ARHGEF11: variants seen among roughly 807,000 people sequenced by gnomAD.
ARHGEF11 encodes Rho guanine nucleotide exchange factor 11.
Under a neutral mutation model 193.7 loss-of-function variants are expected in ARHGEF11, and 55 were observed. That is an observed-to-expected ratio of 0.28 (90% CI 0.23 to 0.36). ARHGEF11 has a LOEUF of 0.36. ARHGEF11 is among the 10% of genes least tolerant of loss of function. The pLI is 1.00. For synonymous variants in ARHGEF11, 693 were observed against 768.0 expected, an observed-to-expected ratio of 0.90 and a Z score of 1.62; for missense variants, 1,723 against 2,005.6, an observed-to-expected ratio of 0.86 and a Z score of 2.69.
rs768274345 is a variant in ARHGEF11 at position 156,947,811 on chromosome 1, C to A, written c.2299G>T (p.Gly767Trp). The A allele has an allele frequency of 2.5e-6, 4 of 1,613,858 alleles. No individual in the cohort carries two copies. The South Asian group carries it at 3.3e-5, about 13-fold the overall frequency. ...QHTVGKDVVA[G>W]LTQREIDRQE... ...CGGTCAATCTCCCGCTGGGTTAGCC[C>A]AGCCACCACATCCTTGCCCACTGTA... The change falls in exon 25 of 41, where the codon GGG becomes TGG. Residue 767 changes from glycine to tryptophan, a missense_variant. Around this residue, in one of 5 missense-constraint regions of ARHGEF11, gnomAD observed 491 missense variants for 654.5 expected, o/e 0.75. Coordinates refer to ENST00000368194, the MANE Select transcript of ARHGEF11 (RefSeq NM_198236.3).
In ARHGEF11 at chr1:156,960,470, A is replaced by G. The variant is rs1660666282; in HGVS notation, c.1240-10T>C. On this transcript the variant is annotated splice_polypyrimidine_tract_variant and intron_variant, in intron 14 of 40. Coordinates refer to ENST00000368194, the MANE Select transcript of ARHGEF11 (RefSeq NM_198236.3). ...TCTTCACTCTCAGAGGCTAAAAAACAGAAGTGTGGAGCAGAAGCAGTCAGG... is the reference window on the plus strand; with the variant it reads ...TCTTCACTCTCAGAGGCTAAAAAACGGAAGTGTGGAGCAGAAGCAGTCAGG... 1.2e-6 allele frequency: 2 copies of G among 1,614,080 alleles called. No individual in the cohort carries two copies. Among genetic ancestry groups the G allele is most frequent in the Non-Finnish European group, 1.7e-6 (2 of 1,179,992 alleles).
At chr1:156,967,839 G>T (rs1661911960) in intron 11 of ARHGEF11, 148 bp downstream of exon 11, 1 of 943,920 alleles carries the variant, frequency 1.1e-6, no homozygotes, top group Non-Finnish European at 1.6e-6. Context: ...TTTACTATTT[G>T]CTCTCTATGT....
At chr1:156,958,964 T>C (rs1660372075) in intron 16 of ARHGEF11, 82 bp downstream of exon 16, 3 of 1,608,804 alleles carry the variant, frequency 1.9e-6, no homozygotes, top group Non-Finnish European at 2.6e-6. Context: ...AAGAGATATG[T>C]GCACGTCCCA....
chr1:156,979,521 C>T (rs181273937), intron 4 of ARHGEF11, among the ~76,000 whole-genome samples: 36 of 152,184 alleles, frequency 2.4e-4, no homozygotes, highest in African/African-American at 7.7e-4. Context: ...CCAGCCACCA[C>T]GCCCAGCTAA....
intron 31 of ARHGEF11, 122 bp downstream of exon 31, chr1:156,944,232 ATTAT>A: frequency 7.0e-7 from 1 of 1,427,626 alleles, no homozygotes; most frequent in Non-Finnish European, 9.7e-7. Context: ...TCTCTCTCTG[ATTAT>A]TCCCTTCCCA....
At chr1:156,944,671 T>C (rs543272301) in intron 30 of ARHGEF11, among the ~76,000 whole-genome samples, 2 of 152,330 alleles carry the variant, frequency 1.3e-5, no homozygotes, top group East Asian at 3.9e-4. Context: ...CACCTGCCCC[T>C]ACCACGTGCC....
chr1:157,007,030 G>C (rs190011625), intron 1 of ARHGEF11, among the ~76,000 whole-genome samples: 158 of 152,296 alleles, frequency 1.0e-3, no homozygotes, highest in Middle Eastern at 6.8e-3. Flanking sequence ...GGAGGCGGCA[G>C]AGGTACCAGG....
intron 28 of ARHGEF11, 75 bp from the exon 29 acceptor site, chr1:156,946,237 T>C: frequency 7.9e-7 from 1 of 1,263,078 alleles, no homozygotes; most frequent in Admixed American, 1.7e-5. Context: ...AGGGCCAAGA[T>C]GGGTGTGAAC....
intron 3 of ARHGEF11, among the ~76,000 whole-genome samples, chr1:156,981,826 A>G (rs552952986): frequency 2.0e-5 from 3 of 152,228 alleles, no homozygotes; most frequent in Admixed American, 6.5e-5. Context: ...TACATCCAGG[A>G]AGCACAAAAA....
At chr1:157,009,145 T>A (rs910098662) in intron 1 of ARHGEF11, among the ~76,000 whole-genome samples, 1 of 152,214 alleles carries the variant, frequency 6.6e-6, no homozygotes, top group East Asian at 1.9e-4. Context: ...TGCACATTTT[T>A]AAAAACCCAA....
chr1:157,007,913 G>GTTTTTTTTTTTTTTTTTTTTTT (rs10580966), intron 1 of ARHGEF11, among the ~76,000 whole-genome samples: 1 of 118,844 alleles, frequency 8.4e-6, no homozygotes, highest in Non-Finnish European at 1.8e-5. Flanking sequence ...TTTTTTTTTT[G>GTTTTTTTTTTTTTTTTTTTTTT]TTTTTTTTTT....
chr1:156,984,968 A>G (rs1664712643), intron 2 of ARHGEF11, among the ~76,000 whole-genome samples: 1 of 151,930 alleles, frequency 6.6e-6, no homozygotes, highest in African/African-American at 2.4e-5. Context: ...GACACATGAC[A>G]AGAAGAAAAC....
rs980340872 is a variant in ARHGEF11 at position 156,948,036 on chromosome 1, C to T, written c.2154-80G>A. On this transcript the variant is annotated intron_variant, in intron 24 of 40. Coordinates refer to ENST00000368194, the MANE Select transcript of ARHGEF11 (RefSeq NM_198236.3). This position sits in a 1 kb window ranked among gnomAD's most constrained non-coding sequence, Gnocchi z 4.2. ...GTTTGGCCCTCCCTCTCCTGCCCGA[C>T]CTGCTTGCCCCATGCACATGGGAAA... 5.8e-6 allele frequency: 9 copies of T among 1,557,640 alleles called. No homozygotes were observed. In the Admixed American group the frequency reaches 9.0e-5, roughly 16 times the overall value.
At chr1:157,003,490 G>C (rs1463668289) in intron 1 of ARHGEF11, among the ~76,000 whole-genome samples, 1 of 152,218 alleles carries the variant, frequency 6.6e-6, no homozygotes, top group African/African-American at 2.4e-5. Context: ...CTGAGTAGCA[G>C]GTGTTGTGCC....
chr1:156,956,589 A>G, intron 18 of ARHGEF11, 25 bp from the exon 19 acceptor site: 1 of 1,613,376 alleles, frequency 6.2e-7, no homozygotes, highest in Non-Finnish European at 8.5e-7. Context: ...CAGTGTCCTG[A>G]ATCAGAGAGC....
intron 1 of ARHGEF11, among the ~76,000 whole-genome samples, chr1:157,006,970 G>C (rs1403864650): frequency 2.6e-5 from 4 of 152,172 alleles, no homozygotes. Flanking sequence ...ACTTGTGTCA[G>C]AATCTCTCCC....
chr1:157,028,673 CAAT>C (rs1670939321), intron 1 of ARHGEF11, among the ~76,000 whole-genome samples: 1 of 152,080 alleles, frequency 6.6e-6, no homozygotes, highest in Non-Finnish European at 1.5e-5. Flanking sequence ...CATTCCTCAA[CAAT>C]AAAAGCACAA....
chr1:157,009,572 G>A (rs759820023), intron 1 of ARHGEF11, among the ~76,000 whole-genome samples: 1 of 152,164 alleles, frequency 6.6e-6, no homozygotes, highest in African/African-American at 2.4e-5. Flanking sequence ...CCTAAGGTTG[G>A]TGGTACTGAG....
intron 7 of ARHGEF11, among the ~76,000 whole-genome samples, chr1:156,974,653 A>G (rs1366521616): frequency 6.6e-6 from 1 of 152,200 alleles, no homozygotes; most frequent in African/African-American, 2.4e-5. Context: ...GGTACCTGTA[A>G]GCAGTCACTC....
Sources: gnomAD v4.1 joint callset for allele counts (sites outside exome capture counted in the v4.1 genomes callset) on GRCh38, gnomAD v4.1.1 for gene constraint, gnomAD v4.1.1 regional missense constraint, Gnocchi (gnomAD v3.1) non-coding constraint, MANE v1.5 for transcripts, NCBI Gene and HGNC (gene_info 2026-07-23, HGNC 2026-07-21) for gene names.